The following ASTN2 variants were observed in gnomAD, a reference collection of about 807,000 sequenced individuals.
ASTN2 encodes the protein astrotactin 2.
ASTN2 carries 54 observed loss-of-function variants against 139.8 expected under a neutral mutation model. The observed-to-expected ratio is 0.39, with a 90% CI of 0.31 to 0.48. ASTN2 has a LOEUF of 0.48. Ranked by LOEUF, ASTN2 falls within the 20% of genes least tolerant of loss-of-function variation. ASTN2 has a pLI of 0.95. For missense variants in ASTN2, 1,565 were observed against 1,725.1 expected (o/e 0.91, Z 1.64); for synonymous variants, 756 against 719.5 (o/e 1.05, Z -0.81).
At position 116,699,676 on chromosome 9, in the gene ASTN2, A is replaced by C; in HGVS notation, c.2806+26095T>G. 6.2e-7 allele frequency: 1 copy of C among 1,614,198 alleles called. No homozygotes were observed. Among genetic ancestry groups the C allele is most frequent in the South Asian group, 1.1e-5 (1 of 91,082 alleles). ...GATCATTGCATCAAGATCTACAGCT[A>C]CCATCTGAGAAGATATTCCACCCCA... On this transcript the variant is annotated intron_variant, in intron 16 of 22. Transcript: ENST00000313400. This position sits in a 1 kb window ranked among gnomAD's most constrained non-coding sequence, Gnocchi z 4.2.
At position 117,125,519 on chromosome 9, in the gene ASTN2, A is replaced by G. The variant is rs373467248; in HGVS notation, c.1168+15807T>C. On this transcript the variant is annotated intron_variant, in intron 4 of 22. Transcript: ENST00000313400. ...GAAAGAAAACAAATGAAATATGCTC[A>G]GATGCATTTTCATTCTGTTAAATCT... is the stretch of plus-strand genomic sequence containing the variant. 7.9e-5 allele frequency among the ~76,000 whole-genome samples: 12 copies of G among 152,318 alleles called. No individual in the cohort carries two copies. In the East Asian group the frequency reaches 2.3e-3, roughly 29 times the overall value.
intron 10 of ASTN2, among the ~76,000 whole-genome samples, chr9:116,957,291 T>A (rs1222695945): frequency 6.6e-6 from 1 of 152,226 alleles, no homozygotes; most frequent in Non-Finnish European, 1.5e-5. Context: ...ACTTTTTTCT[T>A]TTTTTGAACT....
intron 6 of ASTN2, among the ~76,000 whole-genome samples, chr9:117,029,487 C>T (rs934366784): frequency 2.0e-4 from 31 of 152,002 alleles, no homozygotes; most frequent in African/African-American, 4.6e-4. Context: ...GTGTGCCCAT[C>T]GGTGTCTCCA....
At chr9:116,496,941 A>G (rs750690733) in intron 19 of ASTN2, among the ~76,000 whole-genome samples, 22 of 152,182 alleles carry the variant, frequency 1.4e-4, no homozygotes, top group Non-Finnish European at 4.4e-5. Context: ...TCCCTCCCAT[A>G]ACACATGGGG....
intron 13 of ASTN2, among the ~76,000 whole-genome samples, chr9:116,739,710 T>C (rs946757040): frequency 6.6e-6 from 1 of 152,158 alleles, no homozygotes; most frequent in Non-Finnish European, 1.5e-5. Context: ...AGACTGTGAG[T>C]TCCATGCAGC....
At chr9:117,166,630 C>T (rs895893479) in intron 3 of ASTN2, among the ~76,000 whole-genome samples, 19 of 152,056 alleles carry the variant, frequency 1.2e-4, no homozygotes, top group African/African-American at 4.3e-4. Flanking sequence ...TCCTCATCTC[C>T]CCTAGCTAAG....
chr9:116,716,755 T>G (rs1026846551), intron 16 of ASTN2, among the ~76,000 whole-genome samples: 4 of 152,192 alleles, frequency 2.6e-5, no homozygotes, highest in African/African-American at 9.7e-5. Context: ...GGTTTGACTT[T>G]ACTTTATAAT....
At chr9:117,154,167 G>A (rs1830384109) in intron 3 of ASTN2, among the ~76,000 whole-genome samples, 1 of 152,008 alleles carries the variant, frequency 6.6e-6, no homozygotes, top group African/African-American at 2.4e-5. Context: ...TTATAAATAT[G>A]TCCTATTTCT....
At chr9:117,286,089 T>C (rs1449469889) in intron 2 of ASTN2, among the ~76,000 whole-genome samples, 2 of 152,084 alleles carry the variant, frequency 1.3e-5, no homozygotes, top group African/African-American at 4.8e-5. Context: ...TTCTCACTGT[T>C]AAAAAGGGGG....
chr9:116,950,684 GCC>G (rs1835532862), intron 10 of ASTN2, among the ~76,000 whole-genome samples: 1 of 152,162 alleles, frequency 6.6e-6, no homozygotes, highest in Middle Eastern at 3.4e-3. Flanking sequence ...ACACCCTCCA[GCC>G]CCCCTTCTCT....
At chr9:117,400,393 CAAGT>C (rs1830792830) in intron 1 of ASTN2, among the ~76,000 whole-genome samples, 1 of 152,006 alleles carries the variant, frequency 6.6e-6, no homozygotes, top group South Asian at 2.1e-4. Flanking sequence ...AGCAGGGAGG[CAAGT>C]GAGTGGGGGC....
intron 10 of ASTN2, among the ~76,000 whole-genome samples, chr9:116,942,086 GCA>G (rs1835252941): frequency 7.4e-6 from 1 of 135,266 alleles, no homozygotes; most frequent in African/African-American, 3.2e-5. Context: ...ACGTACGCAC[GCA>G]CGCACACACA....
rs759956720 is a variant in ASTN2, at chr9:116,425,970, C to A, written c.3901G>T (p.Glu1301Ter). 6.2e-7 allele frequency: 1 copy of A among 1,614,144 alleles called. No homozygotes were observed. The highest frequency in any genetic ancestry group is 1.7e-5 in the Admixed American group (1 of 60,018). The change falls in exon 23 of 23, where the codon GAG (glutamate) becomes TAG (stop). Residue 1301 changes from glutamate to a stop codon, truncating the protein, a stop_gained. Transcript: ENST00000313400. LOFTEE classifies it high-confidence loss of function. Reference protein sequence around the residue: ...ETVPYLFCRSEEVRPAGMVWY... With the variant: ...ETVPYLFCRS ...ACCATGCCTGCAGGCCGGACCTCCT[C>A]GCTGCGGCAGAAAAGATAGGGCACT...
intron 10 of ASTN2, among the ~76,000 whole-genome samples, chr9:116,895,238 C>A (rs544717758): frequency 6.6e-5 from 10 of 152,154 alleles, no homozygotes; most frequent in Non-Finnish European, 1.0e-4. Flanking sequence ...TATACAATTC[C>A]CTTCAGGCTA....
At chr9:116,554,237 A>G (rs1352017024) in intron 19 of ASTN2, among the ~76,000 whole-genome samples, 1 of 151,994 alleles carries the variant, frequency 6.6e-6, no homozygotes, top group African/African-American at 2.4e-5. Context: ...AAAAATATGT[A>G]TAATATTTTT....
At chr9:117,399,096 T>G (rs1039709052) in intron 1 of ASTN2, among the ~76,000 whole-genome samples, 1 of 152,104 alleles carries the variant, frequency 6.6e-6, no homozygotes, top group Non-Finnish European at 1.5e-5. Context: ...AAATGTAAAA[T>G]TGAGGTTGGA....
intron 16 of ASTN2, among the ~76,000 whole-genome samples, chr9:116,702,406 T>C (rs1192098470): frequency 1.3e-5 from 2 of 152,160 alleles, no homozygotes; most frequent in Non-Finnish European, 2.9e-5. Flanking sequence ...CAGGCATTTC[T>C]TTCCCCTCAC....
chr9:116,634,187 G>A (rs1347078436), intron 17 of ASTN2, among the ~76,000 whole-genome samples: 4 of 152,122 alleles, frequency 2.6e-5, no homozygotes, highest in East Asian at 1.9e-4. Flanking sequence ...TGTATAAAGT[G>A]CCTAAAATAA....
At chr9:117,116,984 C>T (rs1379940312) in intron 4 of ASTN2, among the ~76,000 whole-genome samples, 2 of 150,830 alleles carry the variant, frequency 1.3e-5, no homozygotes, top group Non-Finnish European at 2.9e-5. Flanking sequence ...TCACAATCAA[C>T]TCCTGGGTCT....
Sources: allele counts gnomAD v4.1 joint callset (sites outside exome capture counted in the v4.1 genomes callset), GRCh38; gene constraint gnomAD v4.1.1; non-coding constraint Gnocchi (gnomAD v3.1); transcripts MANE v1.5; gene names NCBI Gene and HGNC (gene_info 2026-07-23, HGNC 2026-07-21).